ZMYM1: variants seen among roughly 807,000 people sequenced by gnomAD.
ZMYM1 encodes the protein zinc finger MYM-type protein 1.
ZMYM1 carries 39 observed loss-of-function variants against 60.0 expected under a neutral mutation model. The ratio of observed to expected loss-of-function variants is 0.65; its 90% CI spans 0.50 to 0.85. The LOEUF is 0.85. ZMYM1 is among the 40% of genes least tolerant of loss of function. The pLI, the probability that ZMYM1 is intolerant of heterozygous loss-of-function variation, is 0.00. For missense variants in ZMYM1, 1,171 were observed against 1,309.5 expected, an observed-to-expected ratio of 0.89 and a Z score of 1.63; for synonymous variants, 413 against 454.0, an observed-to-expected ratio of 0.91 and a Z score of 1.15.
chr1:35,111,578 A>G (rs1324009602), intron 7 of ZMYM1, among the ~76,000 whole-genome samples, 194 bp from the exon 8 acceptor site: 1 of 152,218 alleles, frequency 6.6e-6, no homozygotes, highest in African/African-American at 2.4e-5. Flanking sequence ...GTAAATTTTC[A>G]GTGTAATGTT....
At chr1:35,099,881 G>GT (rs1643546477) in intron 4 of ZMYM1, among the ~76,000 whole-genome samples, 3 of 151,820 alleles carry the variant, frequency 2.0e-5, no homozygotes, top group South Asian at 2.1e-4. Context: ...TTGTTTGTTT[G>GT]TTTGTTTTGT....
chr1:35,077,017 C>T (rs368431667), upstream of ZMYM1, among the ~76,000 whole-genome samples: 1 of 151,928 alleles, frequency 6.6e-6, no homozygotes, highest in African/African-American at 2.4e-5. Flanking sequence ...TTCCTTAGGA[C>T]TTAATCTTTC....
chr1:35,114,968 C>T lies in ZMYM1; in HGVS notation c.3138C>T (p.Asn1046=), dbSNP rs181155542. 1 of 1,614,060 alleles carries T rather than the reference C, an allele frequency of 6.2e-7. No individual in the cohort carries two copies. The highest frequency in any genetic ancestry group is 2.2e-5 in the East Asian group (1 of 44,862). Residue 1046 remains asparagine, a synonymous_variant, in exon 10 of 10, where the codon AAC becomes AAT. Coordinates refer to ENST00000359858, the MANE Select transcript of ZMYM1 (RefSeq NM_024772.5). ...LNFVIDDSCI[N]FVSLGCLFIQ... ...TTGTCATAGATGATAGTTGCATAAA[C>T]TTCGTCAGTCTCGGCTGTTTGTTTA...
chr1:35,080,632 C>T (rs1642337688), intron 1 of ZMYM1, among the ~76,000 whole-genome samples: 1 of 151,646 alleles, frequency 6.6e-6, no homozygotes. Flanking sequence ...TGGTTTTGTA[C>T]ATGCTGTCTC....
At position 35,114,328 on chromosome 1, in the gene ZMYM1, T is replaced by C. The variant is rs760551542; in HGVS notation, c.2498T>C (p.Ile833Thr). ...GAGATTATTGAAACATTGGAAGTTA[T>C]AGCAAGCCATTCTTCAAATACAAGT... is the stretch of plus-strand genomic sequence containing the variant. The part of the protein sequence containing the change: ...LPEIIETLEV[I>T]ASHSSNTSFA... The change falls in exon 10 of 10, where the codon ATA becomes ACA. Residue 833 changes from isoleucine to threonine, a missense_variant. Physicochemically the swap from Ile to Thr is moderately conservative, Grantham distance 89. Coordinates refer to ENST00000359858, the MANE Select transcript of ZMYM1 (RefSeq NM_024772.5). 35 of 1,612,940 alleles carry C rather than the reference T, an allele frequency of 2.2e-5. 1 individual carries two copies. The East Asian group carries it at 3.1e-4, about 14-fold the overall frequency.
intron 1 of ZMYM1, among the ~76,000 whole-genome samples, chr1:35,062,634 T>G (rs1055478537): frequency 1.3e-5 from 2 of 152,248 alleles, no homozygotes; most frequent in African/African-American, 4.8e-5. Context: ...ACTTGCCATT[T>G]AAAGCCTTAA....
chr1:35,059,821 G>A (rs1641839264), exon 1 of ZMYM1: 1 of 152,128 alleles, frequency 6.6e-6, no homozygotes, highest in Admixed American at 6.6e-5. Context: ...TCTCTTTGCA[G>A]TTTTCAAGAC....
At chr1:35,071,393 C>T (rs112384853) in intron 1 of ZMYM1, among the ~76,000 whole-genome samples, 3,848 of 152,040 alleles carry the variant, frequency 0.025, 165 homozygotes, top group African/African-American at 0.081. Flanking sequence ...AATGGAATGG[C>T]GCAATCATGG....
Position 35,114,937 on chromosome 1 carries a change from T to G in ZMYM1, c.3107T>G (p.Leu1036Arg). The change falls in exon 10 of 10, where the codon CTT (leucine) becomes CGT (arginine). Residue 1036 changes from leucine (L) to arginine (R), a missense_variant. Leu to Arg is a moderately radical substitution (Grantham distance 102, BLOSUM62 -2). Coordinates refer to ENST00000359858, the MANE Select transcript of ZMYM1 (RefSeq NM_024772.5). ...AGATTTTATCGACATTATGCAAAGC[T>G]TAACTTTGTCATAGATGATAGTTGC... ...ELRFYRHYAK[L>R]NFVIDDSCIN... 6.2e-7 allele frequency: 1 copy of G among 1,613,852 alleles called. No individual in the cohort carries two copies. The highest frequency in any genetic ancestry group is 8.5e-7 in the Non-Finnish European group (1 of 1,179,708).
intron 1 of ZMYM1, among the ~76,000 whole-genome samples, chr1:35,070,739 G>C (rs565439607): frequency 6.6e-6 from 1 of 151,502 alleles, no homozygotes; most frequent in East Asian, 1.9e-4. Context: ...GATAATGTTA[G>C]CAATAGGTTT....
chr1:35,088,450 A>ATG (rs1198947267), intron 1 of ZMYM1, among the ~76,000 whole-genome samples: 23 of 104,024 alleles, frequency 2.2e-4, no homozygotes, highest in African/African-American at 7.5e-4. Flanking sequence ...ATATATATAT[A>ATG]TATATGTGTG....
chr1:35,072,706 G>A lies in ZMYM1; in HGVS notation c.-300-6288G>A, dbSNP rs149607620. The stretch of plus-strand genomic sequence containing the variant: ...CTCACACCTGTAATCCCAGCTCTTT[G>A]GGAGGCCACGGAGGGTAGATCTCTT... On this transcript the variant is annotated intron_variant, in intron 1 of 10. Coordinates refer to the ZMYM1 transcript ENST00000417119. Among the ~76,000 whole-genome samples, 477 of 151,940 alleles carry A rather than the reference G, an allele frequency of 3.1e-3. 4 individuals are homozygous for A. The highest frequency in any genetic ancestry group is 0.011 in the African/African-American group (446 of 41,454).
chr1:35,060,381 A>T (rs1445330012), intron 1 of ZMYM1, among the ~76,000 whole-genome samples: 1 of 151,672 alleles, frequency 6.6e-6, no homozygotes, highest in Admixed American at 6.6e-5. Flanking sequence ...GCTGGTCTCG[A>T]ACTCCCGACC....
intron 1 of ZMYM1, among the ~76,000 whole-genome samples, chr1:35,092,429 C>T (rs1332381248): frequency 6.7e-6 from 1 of 149,740 alleles, no homozygotes; most frequent in Non-Finnish European, 1.5e-5. Flanking sequence ...TTAGTAGAGA[C>T]GGGGTTTCGC....
rs1408358832 is a variant in ZMYM1, at chr1:35,112,111, C to T, written c.1127C>T (p.Thr376Ile). 1 of 1,613,484 alleles carries T rather than the reference C, an allele frequency of 6.2e-7. No individual in the cohort carries two copies. Among genetic ancestry groups the T allele is most frequent in the Non-Finnish European group, 8.5e-7 (1 of 1,179,718 alleles). The change falls in exon 9 of 10, where the codon ACA (threonine) becomes ATA (isoleucine). Residue 376 changes from threonine (T) to isoleucine (I), a missense_variant. Physicochemically the swap from Thr to Ile is moderately conservative, Grantham distance 89 (BLOSUM62 -1). Coordinates refer to ENST00000359858, the MANE Select transcript of ZMYM1 (RefSeq NM_024772.5). ...LQDTVSSVTA[T>I]ADVIVDLSKS... ...GATACAGTTTCTTCAGTAACAGCAA[C>T]AGCAGATGTCATTGTGGATGTAAGT...
At chr1:35,061,512 C>T (rs1447325567) in intron 1 of ZMYM1, among the ~76,000 whole-genome samples, 1 of 152,044 alleles carries the variant, frequency 6.6e-6, no homozygotes, top group Non-Finnish European at 1.5e-5. Context: ...TGCGGTGGCT[C>T]ACGCCTGTAA....
chr1:35,098,699 G>A (rs1234311600), intron 4 of ZMYM1, among the ~76,000 whole-genome samples: 1 of 152,140 alleles, frequency 6.6e-6, no homozygotes, highest in African/African-American at 2.4e-5. Flanking sequence ...CTGAGCTCAG[G>A]AGTTTGAGAC....
intron 1 of ZMYM1, among the ~76,000 whole-genome samples, chr1:35,065,429 A>G (rs1641957207): frequency 6.6e-6 from 1 of 151,998 alleles, no homozygotes; most frequent in African/African-American, 2.4e-5. Context: ...TATAATACAT[A>G]CAGAAAATAT....
In ZMYM1 at chr1:35,113,938, A is replaced by G; in HGVS notation, c.2108A>G (p.Gln703Arg). 1.2e-6 allele frequency: 2 copies of G among 1,613,968 alleles called. No homozygotes were observed. Among genetic ancestry groups the G allele is most frequent in the South Asian group, 1.1e-5 (1 of 91,076 alleles). The change falls in exon 10 of 10, where the codon CAA becomes CGA. Residue 703 changes from glutamine (Q) to arginine (R), a missense_variant. Transcript: ENST00000359858. ...AGGACTATCAAAACTTATCTGCAGC[A>G]AATTGGAGTTGATATGGATAAAATA... ...LHRTIKTYLQ[Q>R]IGVDMDKIHG...
Sources: gnomAD v4.1 joint callset for allele counts (sites outside exome capture counted in the v4.1 genomes callset) on GRCh38, gnomAD v4.1.1 for gene constraint, MANE v1.5 for transcripts, NCBI Gene and HGNC (gene_info 2026-07-23, HGNC 2026-07-21) for gene names.